GAB1: variants seen among roughly 807,000 people sequenced by gnomAD.
GAB1 encodes GRB2-associated-binding protein 1.
A neutral mutation model predicts 66.5 loss-of-function variants in GAB1; 19 were observed. The observed-to-expected ratio is 0.29, with a 90% CI of 0.20 to 0.42. The LOEUF is 0.42. Among genes scored for constraint, GAB1 ranks in the 10% least tolerant of loss-of-function variants. The pLI is 1.00. For missense variants in GAB1, 732 were observed against 858.5 expected, an observed-to-expected ratio of 0.85 and a Z score of 1.84; for synonymous variants, 294 against 301.4, an observed-to-expected ratio of 0.98 and a Z score of 0.25.
intron 1 of GAB1, among the ~76,000 whole-genome samples, chr4:143,409,571 G>T (rs953384723): frequency 6.6e-6 from 1 of 151,902 alleles, no homozygotes; most frequent in Non-Finnish European, 1.5e-5. Context: ...TAATTCATAA[G>T]TATTTGGAGA....
At chr4:143,467,168 A>T (rs1239244616) in intron 9 of GAB1, among the ~76,000 whole-genome samples, 1 of 152,092 alleles carries the variant, frequency 6.6e-6, no homozygotes, top group Non-Finnish European at 1.5e-5. Flanking sequence ...ACAGTTCTTG[A>T]TCAACAATAA....
chr4:143,396,598 G>A (rs1731466875), intron 1 of GAB1, among the ~76,000 whole-genome samples: 1 of 152,180 alleles, frequency 6.6e-6, no homozygotes, highest in Non-Finnish European at 1.5e-5. Flanking sequence ...CAGGACTTCA[G>A]TAGATCTAAA....
At chr4:143,398,792 G>GCT (rs1472214283) in intron 1 of GAB1, among the ~76,000 whole-genome samples, 20 of 152,196 alleles carry the variant, frequency 1.3e-4, no homozygotes, top group Admixed American at 5.9e-4. Flanking sequence ...AGGTGCTATG[G>GCT]CTCACATCTG....
intron 2 of GAB1, among the ~76,000 whole-genome samples, chr4:143,431,846 C>T (rs1033728553): frequency 6.6e-6 from 1 of 152,110 alleles, no homozygotes; most frequent in African/African-American, 2.4e-5. Flanking sequence ...AAAGCTTAAG[C>T]CCAACCTCAC....
At chr4:143,371,015 G>T (rs188946557) in intron 1 of GAB1, among the ~76,000 whole-genome samples, 1 of 152,180 alleles carries the variant, frequency 6.6e-6, no homozygotes. Flanking sequence ...ACATATGTCC[G>T]CATGTGTCTT....
At position 143,438,590 on chromosome 4, in the gene GAB1, A is replaced by C; in HGVS notation, c.1185A>C (p.Lys395Asn). ...CCATTTCCACTGTGGATTTAAACAA[A>C]TTGCGAAAAGGTCAGCTCTAGTTGA... ...SNTISTVDLN[K>N]LRKDASSQDC... Residue 395 changes from lysine to asparagine, a missense_variant, in exon 4 of 10, where the codon AAA (lysine) becomes AAC (asparagine). By Grantham distance (94) the Lys-to-Asn change is moderately conservative (BLOSUM62 0). This residue lies in a region of GAB1 where 427 missense variants were observed against 420.6 expected (regional missense o/e 1.02). Coordinates refer to ENST00000262994, the MANE Select transcript of GAB1 (RefSeq NM_002039.4). The C allele has an allele frequency of 6.2e-7, 1 of 1,612,712 alleles. No individual in the cohort carries two copies. The highest frequency in any genetic ancestry group is 8.5e-7 in the Non-Finnish European group (1 of 1,179,186).
chr4:143,430,121 A>T (rs1047540546), intron 2 of GAB1, among the ~76,000 whole-genome samples: 1 of 152,182 alleles, frequency 6.6e-6, no homozygotes, highest in African/African-American at 2.4e-5. Context: ...CCAATGTCAC[A>T]ATCTCCCAAG....
intron 2 of GAB1, chr4:143,424,908 T>C (rs1252399370): frequency 4.0e-5 from 21 of 524,366 alleles, no homozygotes; most frequent in Non-Finnish European, 4.8e-5. Flanking sequence ...TGAGCCAAGA[T>C]TGTTTCACTG....
chr4:143,406,181 T>G (rs1732032526), intron 1 of GAB1, among the ~76,000 whole-genome samples: 1 of 152,210 alleles, frequency 6.6e-6, no homozygotes, highest in African/African-American at 2.4e-5. Flanking sequence ...CTACTGAATA[T>G]TTAGATCATT....
At chr4:143,391,587 G>A (rs1165675799) in intron 1 of GAB1, 2 of 151,878 alleles carry the variant, frequency 1.3e-5, no homozygotes, top group Non-Finnish European at 2.9e-5. Context: ...AGAAAAAGGC[G>A]GCGGGGGGCA....
chr4:143,393,899 T>G (rs148828069), intron 1 of GAB1, among the ~76,000 whole-genome samples: 122 of 152,196 alleles, frequency 8.0e-4, no homozygotes, highest in African/African-American at 2.9e-3. Context: ...TTTACATACT[T>G]AGGACAAGCA....
At chr4:143,420,142 A>G (rs1200347878) in intron 2 of GAB1, among the ~76,000 whole-genome samples, 1 of 152,056 alleles carries the variant, frequency 6.6e-6, no homozygotes, top group African/African-American at 2.4e-5. Flanking sequence ...TTTTGTTTTT[A>G]TCTAGATCTG....
intron 1 of GAB1, among the ~76,000 whole-genome samples, chr4:143,357,704 C>T (rs1277709784): frequency 3.9e-5 from 6 of 152,064 alleles, no homozygotes; most frequent in Non-Finnish European, 8.8e-5. Context: ...CTGTCTTGTA[C>T]TTACCCTTTG....
At chr4:143,401,544 T>C (rs1382188602) in intron 1 of GAB1, among the ~76,000 whole-genome samples, 1 of 152,220 alleles carries the variant, frequency 6.6e-6, no homozygotes, top group African/African-American at 2.4e-5. Flanking sequence ...CTAGTGTTTT[T>C]ATAATCATGA....
At chr4:143,398,612 C>T (rs536849567) in intron 1 of GAB1, among the ~76,000 whole-genome samples, 28 of 151,538 alleles carry the variant, frequency 1.8e-4, no homozygotes, top group African/African-American at 5.1e-4. Flanking sequence ...TTTGTATAAC[C>T]CTGGCCGGCT....
chr4:143,337,072 G>T lies in GAB1; in HGVS notation c.-117G>T, dbSNP rs1728675082. ...GAGTCTGTCCGCCCAGTCCGTCCGG[G>T]GTGCGCGACCAGGAGAGCTAGGTTC... On this transcript the variant is annotated 5_prime_UTR_variant, in exon 1 of 10. Transcript: ENST00000262994. 7.2e-6 allele frequency: 6 copies of T among 834,846 alleles called. No homozygotes were observed. The South Asian group carries it at 1.0e-4, about 14-fold the overall frequency. 51.7% of individuals were successfully genotyped at this position (834,846 alleles called of 1,614,324 possible).
chr4:143,355,149 A>T (rs146045648), intron 1 of GAB1, among the ~76,000 whole-genome samples: 2 of 152,294 alleles, frequency 1.3e-5, no homozygotes, highest in East Asian at 3.9e-4. Flanking sequence ...AAAGAAGAAA[A>T]ACATTTTTTA....
intron 1 of GAB1, among the ~76,000 whole-genome samples, chr4:143,404,246 G>A (rs1731925846): frequency 6.6e-6 from 1 of 152,174 alleles, no homozygotes; most frequent in African/African-American, 2.4e-5. Flanking sequence ...AATTTTCATT[G>A]AAAAATTCTA....
intron 2 of GAB1, among the ~76,000 whole-genome samples, chr4:143,423,979 G>T (rs993273847): frequency 6.6e-6 from 1 of 151,458 alleles, no homozygotes; most frequent in Non-Finnish European, 1.5e-5. Context: ...GGGAGAAGTG[G>T]AAGGTTAAAA....
Sources: gnomAD v4.1 joint callset for allele counts (sites outside exome capture counted in the v4.1 genomes callset) on GRCh38, gnomAD v4.1.1 for gene constraint, gnomAD v4.1.1 regional missense constraint, MANE v1.5 for transcripts, NCBI Gene and HGNC (gene_info 2026-07-23, HGNC 2026-07-21) for gene names.